ZFAT: variants seen among roughly 807,000 people sequenced by gnomAD.
ZFAT encodes zinc finger protein ZFAT.
Under a neutral mutation model 117.7 loss-of-function variants are expected in ZFAT, and 64 were observed. The ratio of observed to expected loss-of-function variants is 0.54; its 90% CI spans 0.44 to 0.67. ZFAT has a LOEUF of 0.67. ZFAT is among the 30% of genes least tolerant of loss of function. The probability of loss-of-function intolerance (pLI) is 0.00; values close to 1 mark genes in which losing one functional copy is unlikely to be tolerated. For synonymous variants in ZFAT, 679 were observed against 615.0 expected (o/e 1.10, Z -1.54); for missense variants, 1,433 against 1,584.5 (o/e 0.90, Z 1.62).
chr8:134,730,860 G>A, the ZFAT span, among the ~76,000 whole-genome samples: 3 of 152,140 alleles, frequency 2.0e-5, no homozygotes, highest in African/African-American at 4.8e-5. Flanking sequence ...TCTTTTCCTG[G>A]GGAAGATAGC....
intron 5 of ZFAT, among the ~76,000 whole-genome samples, chr8:134,606,194 T>C (rs1411362854): frequency 6.6e-6 from 1 of 152,158 alleles, no homozygotes; most frequent in Non-Finnish European, 1.5e-5. Context: ...TGGACAAGCC[T>C]CAGAGGTGGC....
At chr8:134,659,833 G>A (rs1424449567) in intron 1 of ZFAT, among the ~76,000 whole-genome samples, 2 of 152,204 alleles carry the variant, frequency 1.3e-5, no homozygotes, top group East Asian at 3.8e-4. Context: ...GGAAGGCACT[G>A]GAGTCCCAGG....
intron 14 of ZFAT, chr8:134,510,082 C>G: frequency 2.1e-6 from 1 of 465,264 alleles, no homozygotes; most frequent in South Asian, 1.5e-5. Flanking sequence ...TCCTAACATG[C>G]GGACATGTGG....
In ZFAT at chr8:134,602,414, C is replaced by A. The variant is rs1213739959; in HGVS notation, c.1305G>T (p.Glu435Asp). 1.2e-6 allele frequency: 2 copies of A among 1,613,968 alleles called. No individual in the cohort carries two copies. The highest frequency in any genetic ancestry group is 1.7e-6 in the Non-Finnish European group (2 of 1,180,048). ...VHGDKWPFAC[E>D]LCGHGATKYQ... Reference sequence around the variant, plus strand: ...ACTTGGTGGCCCCATGGCCACAGAGCTCACAGGCAAAAGGCCACTTGTCTC... The same window carrying A: ...ACTTGGTGGCCCCATGGCCACAGAGATCACAGGCAAAAGGCCACTTGTCTC... The change falls in exon 6 of 16, where the codon GAG becomes GAT. Residue 435 changes from glutamate to aspartate, a missense_variant. Transcript: ENST00000377838.
At chr8:134,521,790 C>T (rs549292768) in intron 12 of ZFAT, among the ~76,000 whole-genome samples, 4 of 152,332 alleles carry the variant, frequency 2.6e-5, no homozygotes, top group African/African-American at 9.6e-5. Flanking sequence ...AGTGCTGGTG[C>T]CAGGCCTCTA....
At chr8:134,491,168 T>C (rs1818030133) in intron 15 of ZFAT, among the ~76,000 whole-genome samples, 1 of 152,254 alleles carries the variant, frequency 6.6e-6, no homozygotes, top group African/African-American at 2.4e-5. Context: ...GTTTCACATG[T>C]AAACACAGAG....
chr8:134,756,124 G>A, the ZFAT span, among the ~76,000 whole-genome samples: 54 of 152,286 alleles, frequency 3.5e-4, no homozygotes, highest in East Asian at 9.5e-3. Flanking sequence ...GAGATAAGCA[G>A]CTTTCTCTGC....
intron 1 of ZFAT, among the ~76,000 whole-genome samples, chr8:134,676,910 C>T (rs2131284405): frequency 6.6e-6 from 1 of 152,256 alleles, no homozygotes; most frequent in South Asian, 2.1e-4. Flanking sequence ...AGAACAAAGA[C>T]ACAACATACC....
the ZFAT span, among the ~76,000 whole-genome samples, chr8:134,755,814 T>C: frequency 9.9e-5 from 5 of 50,700 alleles, no homozygotes; most frequent in East Asian, 2.7e-3. Flanking sequence ...CAAGACTCCA[T>C]CTCAAAAAAA....
chr8:134,764,726 A>G, the ZFAT span: 1 of 152,246 alleles, frequency 6.6e-6, no homozygotes, highest in Admixed American at 6.5e-5. Flanking sequence ...ACAGTATTGT[A>G]CTATACATCT....
intron 5 of ZFAT, among the ~76,000 whole-genome samples, chr8:134,608,222 T>C (rs773909254): frequency 6.6e-6 from 1 of 152,226 alleles, no homozygotes; most frequent in Non-Finnish European, 1.5e-5. Context: ...TATATGTTAG[T>C]ATATTTCAAA....
chr8:134,525,156 C>A (rs1461778650), intron 12 of ZFAT, among the ~76,000 whole-genome samples: 1 of 152,188 alleles, frequency 6.6e-6, no homozygotes, highest in Non-Finnish European at 1.5e-5. Flanking sequence ...TTTTTCAGGG[C>A]TTCTGTGACA....
chr8:134,806,993 G>T, the ZFAT span, among the ~76,000 whole-genome samples: 1 of 152,050 alleles, frequency 6.6e-6, no homozygotes, highest in Non-Finnish European at 1.5e-5. Context: ...ACATATTTGC[G>T]GGTCAATTTT....
At chr8:134,804,985 T>C in the ZFAT span, 4 of 523,164 alleles carry the variant, frequency 7.6e-6, no homozygotes, top group East Asian at 5.6e-5. Flanking sequence ...GGAACAGACA[T>C]AAATGTTGCC....
chr8:134,590,649 CCACCACCACCAACACCACCACAACCAA>C (rs1267442001), intron 7 of ZFAT, among the ~76,000 whole-genome samples: 1 of 97,110 alleles, frequency 1.0e-5, no homozygotes, highest in Non-Finnish European at 2.2e-5. Flanking sequence ...GTCATCACCA[CCACCACCACCAACACCACCACAACCAA>C]CACCACCACC....
In ZFAT at chr8:134,509,601, CAGA is replaced by C; in HGVS notation, c.3492+15_3492+17del. Reference sequence around the variant, plus strand: ...TGAGACACACAGAGATGAATAGTTACAGAAGGAGGGTCCCTACCTGCTTAACCA... The same window carrying C: ...TGAGACACACAGAGATGAATAGTTACAGGAGGGTCCCTACCTGCTTAACCA... On this transcript the variant is annotated intron_variant, in intron 15 of 15. Coordinates refer to ENST00000377838, the MANE Select transcript of ZFAT (RefSeq NM_020863.4). 1.2e-6 allele frequency: 2 copies of C among 1,612,982 alleles called. No individual in the cohort carries two copies. Among genetic ancestry groups the C allele is most frequent in the South Asian group, 1.1e-5 (1 of 91,034 alleles).
At chr8:134,482,853 T>C (rs1335956670) in intron 15 of ZFAT, among the ~76,000 whole-genome samples, 2 of 152,220 alleles carry the variant, frequency 1.3e-5, no homozygotes, top group African/African-American at 4.8e-5. Flanking sequence ...TGCCCTGTCG[T>C]GTTACTGAGC....
intron 11 of ZFAT, among the ~76,000 whole-genome samples, chr8:134,553,075 CCCTTCTGCA>C (rs1823300616): frequency 6.6e-6 from 1 of 152,196 alleles, no homozygotes; most frequent in African/African-American, 2.4e-5. Flanking sequence ...CAGGGCAAGG[CCCTTCTGCA>C]GGAGAATCAC....
chr8:134,513,579 T>C (rs1438014510), intron 13 of ZFAT, among the ~76,000 whole-genome samples: 2 of 152,178 alleles, frequency 1.3e-5, no homozygotes, highest in Admixed American at 1.3e-4. Flanking sequence ...AAAGTGGCAT[T>C]CACAGGTACC....
Sources: gnomAD v4.1 joint callset for allele counts (sites outside exome capture counted in the v4.1 genomes callset) on GRCh38, gnomAD v4.1.1 for gene constraint, MANE v1.5 for transcripts, NCBI Gene and HGNC (gene_info 2026-07-23, HGNC 2026-07-21) for gene names.